Variants in ZFHX3 observed in about 807,000 individuals in gnomAD.
ZFHX3 encodes zinc finger homeobox 3, also known as zinc finger homeobox protein 3.
In ZFHX3, 42 loss-of-function variants were observed where a neutral mutation model predicts 279.1. The ratio of observed to expected loss-of-function variants is 0.15; its 90% CI spans 0.12 to 0.19. The LOEUF (loss-of-function observed/expected upper bound fraction) is 0.19, where lower values mean the gene tolerates loss of function less well. Ranked by LOEUF, ZFHX3 falls within the 10% of genes least tolerant of loss-of-function variation. The probability of loss-of-function intolerance (pLI) is 1.00; values close to 1 mark genes in which losing one functional copy is unlikely to be tolerated. For synonymous variants in ZFHX3, 2,293 were observed against 1,957.8 expected (o/e 1.17, Z -4.52); for missense variants, 4,981 against 4,754.0 (o/e 1.05, Z -1.40).
intron 2 of ZFHX3, among the ~76,000 whole-genome samples, chr16:73,577,028 T>C (rs1416130087): frequency 6.6e-6 from 1 of 152,156 alleles, no homozygotes; most frequent in Non-Finnish European, 1.5e-5. Flanking sequence ...TGGAACTCAG[T>C]GTATTTTGTA....
At chr16:73,362,279 G>A (rs149521718) in intron 3 of ZFHX3, among the ~76,000 whole-genome samples, 61 of 152,310 alleles carry the variant, frequency 4.0e-4, no homozygotes, top group Middle Eastern at 6.8e-3. Context: ...GGACATGGGG[G>A]CTTCCAGAGT....
At position 73,548,621 on chromosome 16, in the gene ZFHX3, A is replaced by T. The variant is rs190985300; in HGVS notation, c.-1546-92363T>A. ...CCCACATAAATATGTACATTTTTTT[A>T]AAAATCATCTTTAAACAATGGCATA... On this transcript the variant is annotated intron_variant, in intron 2 of 17. Coordinates refer to the ZFHX3 transcript ENST00000641206. Among the ~76,000 whole-genome samples the T allele has an allele frequency of 2.8e-3, 431 of 152,156 alleles. 1 individual carries two copies. The highest frequency in any genetic ancestry group is 9.5e-3 in the African/African-American group (396 of 41,516).
intron 1 of ZFHX3, among the ~76,000 whole-genome samples, chr16:73,839,888 G>A (rs934028099): frequency 2.0e-5 from 3 of 152,176 alleles, no homozygotes; most frequent in African/African-American, 7.2e-5. Context: ...GATGCTTGGT[G>A]TACACCAGGT....
intron 4 of ZFHX3, among the ~76,000 whole-genome samples, chr16:72,870,002 G>A (rs934025556): frequency 2.9e-4 from 44 of 152,126 alleles, no homozygotes; most frequent in African/African-American, 1.0e-3. Context: ...CTAATCATAA[G>A]GAAGCATCAC....
chr16:73,535,791 C>T (rs377245876), intron 2 of ZFHX3, among the ~76,000 whole-genome samples: 4 of 146,516 alleles, frequency 2.7e-5, no homozygotes, highest in African/African-American at 7.6e-5. Context: ...GGTGTGATCT[C>T]GGCTCACTGC....
intron 7 of ZFHX3, among the ~76,000 whole-genome samples, chr16:73,130,231 A>C (rs1049259584): frequency 1.3e-5 from 2 of 152,166 alleles, no homozygotes; most frequent in Non-Finnish European, 2.9e-5. Flanking sequence ...CACGTAATTA[A>C]AGTGGAAAAT....
At chr16:73,359,394 A>G (rs1428614736) in intron 3 of ZFHX3, among the ~76,000 whole-genome samples, 1 of 152,164 alleles carries the variant, frequency 6.6e-6, no homozygotes, top group Non-Finnish European at 1.5e-5. Flanking sequence ...CTGGGGGAAA[A>G]TGACATCAAT....
At chr16:73,565,913 T>C (rs942089840) in intron 2 of ZFHX3, among the ~76,000 whole-genome samples, 5 of 152,094 alleles carry the variant, frequency 3.3e-5, no homozygotes, top group Non-Finnish European at 7.4e-5. Flanking sequence ...TTGGCCAAAT[T>C]CTAGGATTTA....
intron 3 of ZFHX3, among the ~76,000 whole-genome samples, chr16:73,409,948 T>C (rs552972676): frequency 6.6e-5 from 10 of 151,098 alleles, no homozygotes; most frequent in Admixed American, 6.6e-5. Flanking sequence ...AGAGAGTAGG[T>C]TGATGGTTAC....
At chr16:73,199,618 C>G (rs2144897519) in intron 5 of ZFHX3, among the ~76,000 whole-genome samples, 1 of 152,316 alleles carries the variant, frequency 6.6e-6, no homozygotes, top group East Asian at 1.9e-4. Flanking sequence ...GTCCTTACAG[C>G]CCTTAGCGAT....
chr16:73,492,568 C>T (rs78266130), intron 2 of ZFHX3, among the ~76,000 whole-genome samples: 2,116 of 152,200 alleles, frequency 0.014, 51 homozygotes, highest in African/African-American at 0.048. Flanking sequence ...TCCTGCATAA[C>T]GCATGGGATG....
chr16:72,867,584 T>G (rs1342540725), intron 4 of ZFHX3, among the ~76,000 whole-genome samples: 1 of 152,232 alleles, frequency 6.6e-6, no homozygotes, highest in Non-Finnish European at 1.5e-5. Context: ...TTCTTCCATT[T>G]ATTGTTGACA....
chr16:73,822,862 G>A (rs1468261450), intron 1 of ZFHX3, among the ~76,000 whole-genome samples: 1 of 152,198 alleles, frequency 6.6e-6, no homozygotes, highest in African/African-American at 2.4e-5. Context: ...GGCTACATGT[G>A]CAAGCTCTTA....
chr16:73,486,400 T>A (rs1252092696), intron 2 of ZFHX3, among the ~76,000 whole-genome samples: 1 of 152,118 alleles, frequency 6.6e-6, no homozygotes, highest in Non-Finnish European at 1.5e-5. Flanking sequence ...TCCTTTTCAA[T>A]AAATCTTTGC....
intron 5 of ZFHX3, among the ~76,000 whole-genome samples, chr16:73,150,592 TA>T (rs1966916982): frequency 6.6e-6 from 1 of 152,180 alleles, no homozygotes; most frequent in Non-Finnish European, 1.5e-5. Flanking sequence ...TAACAGGATA[TA>T]AACATAAAAG....
chr16:73,108,753 C>T (rs1038252116), intron 7 of ZFHX3, among the ~76,000 whole-genome samples: 4 of 152,220 alleles, frequency 2.6e-5, no homozygotes, highest in African/African-American at 9.6e-5. Context: ...GGTTTCTAAT[C>T]ACTCCCATGA....
At chr16:72,789,062 A>ATATG (rs2143315870) in intron 9 of ZFHX3, 2 of 451,630 alleles carry the variant, frequency 4.4e-6, no homozygotes, top group East Asian at 6.8e-5. Flanking sequence ...CAGCTCCCAT[A>ATATG]CTTCCCCTTT....
chr16:73,588,622 C>T (rs879491393), intron 2 of ZFHX3, among the ~76,000 whole-genome samples: 1 of 148,758 alleles, frequency 6.7e-6, no homozygotes, highest in South Asian at 2.1e-4. Flanking sequence ...CCTGGGAGGC[C>T]GAGCTTGCAG....
intron 2 of ZFHX3, among the ~76,000 whole-genome samples, chr16:73,641,375 T>G (rs1013383783): frequency 2.6e-5 from 4 of 152,100 alleles, no homozygotes; most frequent in East Asian, 1.9e-4. Flanking sequence ...AGAAAGTAAC[T>G]GCCCACGCTG....
Sources: allele counts gnomAD v4.1 joint callset (sites outside exome capture counted in the v4.1 genomes callset), GRCh38; gene constraint gnomAD v4.1.1; transcripts MANE v1.5; gene names NCBI Gene and HGNC (gene_info 2026-07-23, HGNC 2026-07-21).